CDH20: variants seen among roughly 807,000 people sequenced by gnomAD.
The protein encoded by CDH20 is cadherin 20.
In CDH20, 29 loss-of-function variants were observed where a neutral mutation model predicts 74.2. The observed-to-expected ratio is 0.39, with a 90% CI of 0.29 to 0.53. The LOEUF (loss-of-function observed/expected upper bound fraction) is 0.53. CDH20 is among the 20% of genes least tolerant of loss of function. The pLI, the probability that CDH20 is intolerant of heterozygous loss-of-function variation, is 0.69. For missense variants in CDH20, 988 were observed against 1,048.3 expected (o/e 0.94, Z 0.79); for synonymous variants, 469 against 405.4 (o/e 1.16, Z -1.88).
chr18:61,373,581 C>G (rs768136606), intron 1 of CDH20, among the ~76,000 whole-genome samples: 4 of 152,102 alleles, frequency 2.6e-5, no homozygotes, highest in Non-Finnish European at 5.9e-5. Flanking sequence ...CCTTAATTCC[C>G]CACCATATGT....
At chr18:61,349,123 A>T (rs1910224301) in intron 1 of CDH20, among the ~76,000 whole-genome samples, 1 of 152,204 alleles carries the variant, frequency 6.6e-6, no homozygotes, top group South Asian at 2.1e-4. Flanking sequence ...TACCAGAACA[A>T]CTAACCATGG....
rs188420091 is a variant in CDH20, at chr18:61,352,499, G to A, written c.-153+18672G>A. Among the ~76,000 whole-genome samples, 525 of 152,254 alleles carry A rather than the reference G, an allele frequency of 3.4e-3. 1 individual carries two copies. The highest frequency in any genetic ancestry group is 0.012 in the African/African-American group (486 of 41,538). On this transcript the variant is annotated intron_variant, in intron 1 of 11. Transcript: ENST00000262717. ...TTCTCTTTTTACTATTTCTGGAGTT[G>A]TAAATGACATTTGTTGTACTAATTA...
intron 10 of CDH20, among the ~76,000 whole-genome samples, chr18:61,549,289 G>T (rs1913353205): frequency 1.3e-5 from 2 of 152,154 alleles, no homozygotes. Context: ...AAAACTGGAG[G>T]AAAGATTTCT....
chr18:61,540,693 C>T (rs1008249010), intron 9 of CDH20, among the ~76,000 whole-genome samples: 1 of 152,118 alleles, frequency 6.6e-6, no homozygotes, highest in Non-Finnish European at 1.5e-5. Flanking sequence ...GGTGGGGACA[C>T]AGCCAAACCA....
At chr18:61,422,951 T>C (rs191697674) in intron 1 of CDH20, among the ~76,000 whole-genome samples, 18 of 152,324 alleles carry the variant, frequency 1.2e-4, no homozygotes, top group African/African-American at 4.3e-4. Context: ...AATTCTCTTT[T>C]ACACAGAGAG....
At chr18:61,468,445 G>C (rs974999108) in intron 1 of CDH20, among the ~76,000 whole-genome samples, 22 of 152,050 alleles carry the variant, frequency 1.4e-4, no homozygotes, top group Non-Finnish European at 2.6e-4. Flanking sequence ...TGTGTGTTTG[G>C]GGAGGGGAAG....
chr18:61,358,918 G>C (rs991353895), intron 1 of CDH20, among the ~76,000 whole-genome samples: 10 of 148,224 alleles, frequency 6.7e-5, no homozygotes, highest in African/African-American at 2.5e-4. Flanking sequence ...ATAAATACTG[G>C]TGCAATGGAC....
intron 8 of CDH20, 137 bp from the exon 9 acceptor site, chr18:61,538,887 C>T: frequency 1.1e-6 from 1 of 873,590 alleles, no homozygotes; most frequent in Non-Finnish European, 1.8e-6. Context: ...CCGCCTCGGC[C>T]TCCCAAAGTG....
chr18:61,386,618 A>G (rs954375780), intron 1 of CDH20, among the ~76,000 whole-genome samples: 2 of 152,192 alleles, frequency 1.3e-5, no homozygotes, highest in East Asian at 3.9e-4. Context: ...TTTACATAGA[A>G]ATATGTTCTT....
At chr18:61,337,085 T>A (rs1655536129) in intron 1 of CDH20, among the ~76,000 whole-genome samples, 1 of 152,200 alleles carries the variant, frequency 6.6e-6, no homozygotes, top group African/African-American at 2.4e-5. Flanking sequence ...GGTGCTGCCA[T>A]CAGTAGTGCA....
chr18:61,500,809 G>A (rs538703090), intron 4 of CDH20, among the ~76,000 whole-genome samples: 1 of 152,280 alleles, frequency 6.6e-6, no homozygotes, highest in Non-Finnish European at 1.5e-5. Context: ...AGGGACTAAG[G>A]TCTTTTATAA....
At chr18:61,376,903 C>A (rs972519774) in intron 1 of CDH20, among the ~76,000 whole-genome samples, 8 of 152,038 alleles carry the variant, frequency 5.3e-5, no homozygotes, top group Non-Finnish European at 4.4e-5. Context: ...TCAGAGGAGA[C>A]AATGAGGTAA....
chr18:61,459,175 T>G (rs1909682641), intron 1 of CDH20, among the ~76,000 whole-genome samples: 1 of 152,210 alleles, frequency 6.6e-6, no homozygotes. Flanking sequence ...CAATTTGCTA[T>G]CATTGTGGCT....
chr18:61,502,303 C>G lies in CDH20; in HGVS notation c.662-650C>G, dbSNP rs545284209. On this transcript the variant is annotated intron_variant, in intron 4 of 11. Transcript: ENST00000262717. The stretch of plus-strand genomic sequence containing the variant: ...GCTTGCTCTCTGGGGAAATTCATAT[C>G]TTATGCATGGTAAAAATAAACAGCT... 9.2e-5 allele frequency among the ~76,000 whole-genome samples: 14 copies of G among 152,170 alleles called. No individual in the cohort carries two copies. The South Asian group carries it at 2.9e-3, about 32-fold the overall frequency.
At chr18:61,458,389 T>C (rs986943591) in intron 1 of CDH20, among the ~76,000 whole-genome samples, 1 of 152,156 alleles carries the variant, frequency 6.6e-6, no homozygotes, top group Non-Finnish European at 1.5e-5. Flanking sequence ...TTTGCCATAT[T>C]TGGGGGAAAG....
At chr18:61,365,005 G>A (rs1474396697) in intron 1 of CDH20, among the ~76,000 whole-genome samples, 1 of 152,208 alleles carries the variant, frequency 6.6e-6, no homozygotes, top group African/African-American at 2.4e-5. Flanking sequence ...CTTAATCAGG[G>A]AAAGCCTGTG....
At chr18:61,503,659 A>C (rs1911464846) in intron 5 of CDH20, among the ~76,000 whole-genome samples, 1 of 152,230 alleles carries the variant, frequency 6.6e-6, no homozygotes, top group Non-Finnish European at 1.5e-5. Context: ...CATGAAGGGC[A>C]CAGGAGGCTT....
chr18:61,544,454 G>C (rs935163423), intron 9 of CDH20, among the ~76,000 whole-genome samples: 3 of 152,250 alleles, frequency 2.0e-5, no homozygotes, highest in African/African-American at 7.2e-5. Flanking sequence ...TCACACATGG[G>C]CTGGAAGGCT....
chr18:61,351,957 A>G (rs1469330012), intron 1 of CDH20, among the ~76,000 whole-genome samples: 2 of 152,226 alleles, frequency 1.3e-5, no homozygotes, highest in African/African-American at 4.8e-5. Context: ...AGATAAAGCC[A>G]TGCATAAAGA....
Sources: allele counts gnomAD v4.1 joint callset (sites outside exome capture counted in the v4.1 genomes callset), GRCh38; gene constraint gnomAD v4.1.1; transcripts MANE v1.5; gene names NCBI Gene and HGNC (gene_info 2026-07-23, HGNC 2026-07-21).